Variants in ANKHD1 observed in about 807,000 individuals in gnomAD.
ANKHD1 encodes ankyrin repeat and KH domain-containing protein 1.
A neutral mutation model predicts 230.5 loss-of-function variants in ANKHD1; 31 were observed. The observed-to-expected ratio is 0.13, with a 90% CI of 0.10 to 0.18. ANKHD1 has a LOEUF of 0.18. ANKHD1 is among the 10% of genes least tolerant of loss of function. The pLI, the probability that ANKHD1 is intolerant of heterozygous loss-of-function variation, is 1.00. For synonymous variants in ANKHD1, 1,074 were observed against 1,117.6 expected (o/e 0.96, Z 0.78); for missense variants, 2,256 against 3,071.3 (o/e 0.73, Z 6.27).
At position 140,529,784 on chromosome 5, in the gene ANKHD1, A is replaced by G. The variant is rs1412623958; in HGVS notation, c.6838A>G (p.Thr2280Ala). The G allele has an allele frequency of 5.6e-6, 9 of 1,613,768 alleles. No homozygotes were observed. The highest frequency in any genetic ancestry group is 2.2e-5 in the East Asian group (1 of 44,888). Residue 2280 changes from threonine to alanine, a missense_variant, in exon 29 of 34, where the codon ACT (threonine) becomes GCT (alanine). Thr to Ala is a moderately conservative substitution (Grantham distance 58). This residue lies in a region of ANKHD1 where 778 missense variants were observed against 966.5 expected (regional missense o/e 0.80). Transcript: ENST00000360839. ...GFRPPSQRVS[T>A]SPVGLPSIDP... is the part of the protein sequence containing the mutation. The stretch of plus-strand genomic sequence containing the variant: ...CAGACCACCTTCCCAGCGAGTTTCT[A>G]CTAGTCCAGTTGGTAAGTTATTAAC...
intron 10 of ANKHD1, among the ~76,000 whole-genome samples, chr5:140,481,166 G>GT (rs1436231689): frequency 6.6e-6 from 1 of 152,100 alleles, no homozygotes; most frequent in Admixed American, 6.6e-5. Context: ...CCAGGATGTA[G>GT]TTGATTGTAA....
chr5:140,506,403 C>T lies in ANKHD1; in HGVS notation c.3409-432C>T, dbSNP rs1374384571. 6.6e-6 allele frequency among the ~76,000 whole-genome samples: 1 copy of T among 152,166 alleles called. No homozygotes were observed. Among genetic ancestry groups the T allele is most frequent in the Non-Finnish European group, 1.5e-5 (1 of 68,038 alleles). On this transcript the variant is annotated intron_variant, in intron 18 of 33. Coordinates refer to ENST00000360839, the MANE Select transcript of ANKHD1 (RefSeq NM_017747.3). The surrounding 1 kb of genome is among the most constrained non-coding windows in gnomAD (Gnocchi z 4.7). ...CTTGAACTCCTGGCCTCAAGGGATC[C>T]TCCTGCCTTGGCCTCCCAAAGTGCT...
At chr5:140,502,038 TAAAA>T (rs750983725) in intron 15 of ANKHD1, among the ~76,000 whole-genome samples, 2 of 132,576 alleles carry the variant, frequency 1.5e-5, no homozygotes, top group East Asian at 2.1e-4. Flanking sequence ...CCTATCTCTT[TAAAA>T]AAAAAAAAAA....
intron 14 of ANKHD1, among the ~76,000 whole-genome samples, chr5:140,495,181 T>G (rs1751971447): frequency 6.6e-6 from 1 of 152,138 alleles, no homozygotes; most frequent in African/African-American, 2.4e-5. Context: ...TAGTATAATG[T>G]TTTTGAGGTT....
intron 22 of ANKHD1, among the ~76,000 whole-genome samples, 157 bp downstream of exon 22, chr5:140,510,338 A>T (rs928683572): frequency 5.1e-5 from 5 of 97,118 alleles, no homozygotes; most frequent in Non-Finnish European, 9.5e-5. Flanking sequence ...TTTGAGACGG[A>T]GTCTTACTCT....
intron 14 of ANKHD1, among the ~76,000 whole-genome samples, chr5:140,491,145 T>TAG (rs1751769478): frequency 1.5e-4 from 14 of 95,408 alleles, no homozygotes; most frequent in Non-Finnish European, 1.1e-4. Context: ...TACACATATA[T>TAG]ATATATATAT....
chr5:140,406,167 G>A (rs191103470), intron 1 of ANKHD1, among the ~76,000 whole-genome samples: 1 of 151,950 alleles, frequency 6.6e-6, no homozygotes, highest in Admixed American at 6.6e-5. Context: ...GAACCCAGGA[G>A]GCAGAGGTTG....
chr5:140,427,049 G>T (rs1251982130), intron 1 of ANKHD1, among the ~76,000 whole-genome samples: 1 of 152,204 alleles, frequency 6.6e-6, no homozygotes, highest in Admixed American at 6.5e-5. Context: ...CCCAGACGGG[G>T]TGGTGGCCGG....
intron 29 of ANKHD1, among the ~76,000 whole-genome samples, chr5:140,534,565 A>G (rs1483085058): frequency 4.6e-5 from 7 of 152,206 alleles, no homozygotes; most frequent in Non-Finnish European, 1.0e-4. Flanking sequence ...TAAATGGGTG[A>G]ATTATATGGT....
chr5:140,529,773 A>C lies in ANKHD1; in HGVS notation c.6827A>C (p.Gln2276Pro). The change falls in exon 29 of 34, where the codon CAG (glutamine) becomes CCG (proline). Residue 2276 changes from glutamine (Q) to proline (P), a missense_variant. This residue lies in a region of ANKHD1 where 778 missense variants were observed against 966.5 expected (regional missense o/e 0.80). Coordinates refer to ENST00000360839, the MANE Select transcript of ANKHD1 (RefSeq NM_017747.3). ...GCACCTGGCTTCAGACCACCTTCCCAGCGAGTTTCTACTAGTCCAGTTGGT... is the reference window on the plus strand; with the variant it reads ...GCACCTGGCTTCAGACCACCTTCCCCGCGAGTTTCTACTAGTCCAGTTGGT... ...SKAPGFRPPSQRVSTSPVGLP... is the reference protein window; with the variant it reads ...SKAPGFRPPSPRVSTSPVGLP... The C allele has an allele frequency of 6.2e-7, 1 of 1,614,064 alleles. No individual in the cohort carries two copies. Among genetic ancestry groups the C allele is most frequent in the Non-Finnish European group, 8.5e-7 (1 of 1,180,006 alleles).
chr5:140,403,612 C>T (rs1770172848), intron 1 of ANKHD1, among the ~76,000 whole-genome samples: 1 of 152,100 alleles, frequency 6.6e-6, no homozygotes, highest in East Asian at 1.9e-4. Context: ...CAGGGTTTCA[C>T]CATGTCCAGG....
At position 140,509,799 on chromosome 5, in the gene ANKHD1, C is replaced by A; in HGVS notation, c.3928C>A (p.Leu1310Ile). 1 of 1,610,994 alleles carries A rather than the reference C, an allele frequency of 6.2e-7. No homozygotes were observed. Residue 1310 changes from leucine to isoleucine, a missense_variant, in exon 21 of 34, where the codon CTC (leucine) becomes ATC (isoleucine). Physicochemically the swap from Leu to Ile is conservative, Grantham distance 5. Coordinates refer to ENST00000360839, the MANE Select transcript of ANKHD1 (RefSeq NM_017747.3). ...ADKGHYKFCE[L>I]LIHRGAHIDV... ...CAAAGGTCACTACAAATTTTGTGAA[C>A]TCCTGATTCATAGGTGAGTACTTTT...
At chr5:140,430,013 A>G (rs1772908229) in intron 1 of ANKHD1, among the ~76,000 whole-genome samples, 1 of 152,190 alleles carries the variant, frequency 6.6e-6, no homozygotes, top group Admixed American at 6.5e-5. Context: ...TGAAATGTCA[A>G]AATGGAATAA....
chr5:140,406,654 C>T (rs539141529), intron 1 of ANKHD1, among the ~76,000 whole-genome samples: 1 of 151,534 alleles, frequency 6.6e-6, no homozygotes, highest in South Asian at 2.1e-4. Context: ...AAGTGATTCT[C>T]CTGCCTCAGT....
At chr5:140,412,271 T>A (rs1770996684) in intron 1 of ANKHD1, among the ~76,000 whole-genome samples, 1 of 151,854 alleles carries the variant, frequency 6.6e-6, no homozygotes, top group Admixed American at 6.6e-5. Flanking sequence ...CTCCTGACCT[T>A]GTGATCTGCC....
rs1474901911 is a variant in ANKHD1 at position 140,402,032 on chromosome 5, G to T, written c.65G>T (p.Arg22Leu). The part of the protein sequence containing the change: ...FEEDLDSVAP[R>L]SAPAGASEPP... The stretch of plus-strand genomic sequence containing the variant: ...GAGGACCTGGACTCTGTGGCTCCGC[G>T]ATCCGCCCCAGCTGGGGCCTCGGAG... The change falls in exon 1 of 34, where the codon CGA becomes CTA. Residue 22 changes from arginine to leucine, a missense_variant. Coordinates refer to ENST00000360839, the MANE Select transcript of ANKHD1 (RefSeq NM_017747.3). 3.3e-6 allele frequency: 5 copies of T among 1,501,870 alleles called. No individual in the cohort carries two copies. Among genetic ancestry groups the T allele is most frequent in the African/African-American group, 1.5e-5 (1 of 68,082 alleles). 93.0% of individuals were successfully genotyped at this position (1,501,870 alleles called of 1,614,324 possible). A position where few individuals can be genotyped will look rare whatever the true frequency, so the allele number is the denominator to read the frequency against.
chr5:140,534,163 C>T (rs1444520361), intron 29 of ANKHD1, among the ~76,000 whole-genome samples: 1 of 152,010 alleles, frequency 6.6e-6, no homozygotes, highest in Admixed American at 6.6e-5. Context: ...GAGGCCGAGG[C>T]GGGTGGATCA....
intron 1 of ANKHD1, among the ~76,000 whole-genome samples, chr5:140,405,403 G>C (rs1422592590): frequency 3.9e-5 from 6 of 152,110 alleles, no homozygotes; most frequent in Non-Finnish European, 8.8e-5. Context: ...TATAGTATGT[G>C]TGGTAGAGTA....
intron 14 of ANKHD1, among the ~76,000 whole-genome samples, chr5:140,490,164 G>T (rs1418408276): frequency 6.6e-6 from 1 of 151,950 alleles, no homozygotes; most frequent in Non-Finnish European, 1.5e-5. Flanking sequence ...TATATTCTGT[G>T]TCGTGTATGT....
Sources: allele counts gnomAD v4.1 joint callset (sites outside exome capture counted in the v4.1 genomes callset), GRCh38; gene constraint gnomAD v4.1.1; regional missense constraint gnomAD v4.1.1; non-coding constraint Gnocchi (gnomAD v3.1); transcripts MANE v1.5; gene names NCBI Gene and HGNC (gene_info 2026-07-23, HGNC 2026-07-21).